The following ADAMTSL1 variants were observed in gnomAD, a reference collection of about 807,000 sequenced individuals.
ADAMTSL1 encodes the protein ADAMTS like 1.
In ADAMTSL1, 126 loss-of-function variants were observed where a neutral mutation model predicts 201.8. The ratio of observed to expected loss-of-function variants is 0.62; its 90% CI spans 0.54 to 0.72. The LOEUF is 0.72. Ranked by LOEUF, ADAMTSL1 falls within the 30% of genes least tolerant of loss-of-function variation. ADAMTSL1 has a pLI of 0.00. For missense variants in ADAMTSL1, 2,679 were observed against 2,277.8 expected (o/e 1.18, Z -3.59); for synonymous variants, 1,121 against 903.4 (o/e 1.24, Z -4.32).
In ADAMTSL1 at chr9:17,978,838, A is replaced by G. The variant is rs115548543; in HGVS notation, c.87+71916A>G. On this transcript the variant is annotated intron_variant, in intron 1 of 29. Transcript: ENST00000680146. ...CACATTTCAGCTTGAAGAACCCTTT[A>G]GCATTTCTCATAAGGCAGGGCTAGT... is the stretch of plus-strand genomic sequence containing the variant. 5.5e-3 allele frequency among the ~76,000 whole-genome samples: 839 copies of G among 152,226 alleles called. 8 individuals carry two copies. The highest frequency in any genetic ancestry group is 0.019 in the African/African-American group (797 of 41,546).
chr9:18,173,707 G>C (rs1828008419), intron 2 of ADAMTSL1, among the ~76,000 whole-genome samples: 1 of 152,030 alleles, frequency 6.6e-6, no homozygotes. Context: ...AGATTTTTAG[G>C]CTCAGACAAC....
At chr9:18,321,536 G>A (rs1834619028) in intron 2 of ADAMTSL1, among the ~76,000 whole-genome samples, 1 of 152,194 alleles carries the variant, frequency 6.6e-6, no homozygotes, top group South Asian at 2.1e-4. Flanking sequence ...GCTCACGCCT[G>A]TAATCCCAGC....
At chr9:18,369,964 C>G (rs1320830569) in intron 2 of ADAMTSL1, among the ~76,000 whole-genome samples, 1 of 152,044 alleles carries the variant, frequency 6.6e-6, no homozygotes. Flanking sequence ...AATGTGTACA[C>G]ATGGACATAA....
intron 1 of ADAMTSL1, among the ~76,000 whole-genome samples, chr9:17,931,646 T>C (rs948511521): frequency 6.6e-6 from 1 of 152,140 alleles, no homozygotes; most frequent in Non-Finnish European, 1.5e-5. Context: ...CTCAGATCAG[T>C]GTTGTCCTGT....
intron 14 of ADAMTSL1, among the ~76,000 whole-genome samples, chr9:18,715,888 G>C (rs1311477134): frequency 2.0e-5 from 3 of 151,498 alleles, no homozygotes; most frequent in Admixed American, 6.6e-5. Flanking sequence ...CCAAAACTGA[G>C]ATATAGATCA....
chr9:18,648,334 T>G (rs984209722), intron 7 of ADAMTSL1, among the ~76,000 whole-genome samples: 21 of 150,440 alleles, frequency 1.4e-4, no homozygotes, highest in African/African-American at 5.1e-4. Context: ...GTCTTGACTC[T>G]TTATCCAATT....
rs144526165 is a variant in ADAMTSL1, at chr9:18,692,081, C to T, written c.1574+7281C>T. Reference sequence around the variant, plus strand: ...ACTCAGCTAGTGGGTTCCCAGCTTACACCACCTTACTTCCTTTCTTCGTCT... The same window carrying T: ...ACTCAGCTAGTGGGTTCCCAGCTTATACCACCTTACTTCCTTTCTTCGTCT... On this transcript the variant is annotated intron_variant, in intron 13 of 28. Transcript: ENST00000380548. Among the ~76,000 whole-genome samples, 35 of 152,256 alleles carry T rather than the reference C, an allele frequency of 2.3e-4. 1 individual carries two copies. In the Middle Eastern group the frequency reaches 0.01, roughly 44 times the overall value.
At chr9:18,771,533 C>T (rs577071696) in intron 17 of ADAMTSL1, among the ~76,000 whole-genome samples, 2 of 152,258 alleles carry the variant, frequency 1.3e-5, no homozygotes, top group Non-Finnish European at 2.9e-5. Flanking sequence ...TCTCCACCTC[C>T]ATAGACCTGT....
chr9:18,180,608 A>G lies in ADAMTSL1; in HGVS notation c.207+16627A>G, dbSNP rs549933564. Reference sequence around the variant, plus strand: ...GTGAAGGACCTCTTCAAGGAGAACTACAAACCACTGCTCAAGGAAATAAAA... The same window carrying G: ...GTGAAGGACCTCTTCAAGGAGAACTGCAAACCACTGCTCAAGGAAATAAAA... On this transcript the variant is annotated intron_variant, in intron 2 of 29. Transcript: ENST00000680146. Among the ~76,000 whole-genome samples, 5 of 152,096 alleles carry G rather than the reference A, an allele frequency of 3.3e-5. No homozygotes were observed. In the South Asian group the frequency reaches 8.3e-4, roughly 25 times the overall value.
At chr9:18,110,001 C>G (rs1406954258) in intron 1 of ADAMTSL1, among the ~76,000 whole-genome samples, 1 of 152,178 alleles carries the variant, frequency 6.6e-6, no homozygotes. Context: ...GAAAGAGGAA[C>G]ACAGGCAAGT....
intron 23 of ADAMTSL1, among the ~76,000 whole-genome samples, chr9:18,858,303 C>A (rs1322338886): frequency 6.6e-6 from 1 of 152,130 alleles, no homozygotes; most frequent in African/African-American, 2.4e-5. Flanking sequence ...CCCACCCCCA[C>A]ACAGATGCTG....
intron 2 of ADAMTSL1, among the ~76,000 whole-genome samples, chr9:18,320,882 T>A (rs115268186): frequency 0.017 from 2,527 of 152,122 alleles, 67 homozygotes; most frequent in African/African-American, 0.058. Flanking sequence ...GAGTATTTTT[T>A]AAAATGTATA....
At chr9:18,644,404 T>C (rs978899242) in intron 7 of ADAMTSL1, among the ~76,000 whole-genome samples, 1 of 152,028 alleles carries the variant, frequency 6.6e-6, no homozygotes, top group African/African-American at 2.4e-5. Context: ...ATTATTATTA[T>C]ACTTTAAGTT....
chr9:18,195,120 C>A (rs1303665531), intron 2 of ADAMTSL1, among the ~76,000 whole-genome samples: 5 of 152,002 alleles, frequency 3.3e-5, no homozygotes, highest in Admixed American at 2.0e-4. Context: ...TAAATGTTGG[C>A]TGTTATTATT....
At chr9:18,560,849 A>T (rs1226977382) in intron 3 of ADAMTSL1, among the ~76,000 whole-genome samples, 2 of 149,126 alleles carry the variant, frequency 1.3e-5, no homozygotes, top group East Asian at 4.1e-4. Flanking sequence ...ATCGGTGGTG[A>T]TATCCCCCTT....
Position 17,909,915 on chromosome 9 carries a change from G to A in ADAMTSL1, c.87+2993G>A, listed in dbSNP as rs1203857696. On this transcript the variant is annotated intron_variant, in intron 1 of 29. Coordinates refer to the ADAMTSL1 transcript ENST00000680146. ...GTTAGTGGGTGCAGCGCACCAGCAT[G>A]GCACATGTATACATATGTAACTAAC... Among the ~76,000 whole-genome samples, 2 of 66,444 alleles carry A rather than the reference G, an allele frequency of 3.0e-5. 1 individual carries two copies. Among genetic ancestry groups the A allele is most frequent in the Non-Finnish European group, 9.1e-5 (2 of 21,936 alleles). The allele number at this position is 66,444 out of a possible 152,430, so 43.6% of individuals were successfully genotyped here. A position where few individuals can be genotyped will look rare whatever the true frequency, so the allele number is the denominator to read the frequency against.
chr9:18,589,765 G>A (rs965998870), intron 4 of ADAMTSL1, among the ~76,000 whole-genome samples: 1 of 152,080 alleles, frequency 6.6e-6, no homozygotes, highest in South Asian at 2.1e-4. Flanking sequence ...TTTGTTGAGG[G>A]TTTTTGTCAT....
At chr9:17,949,666 T>C (rs1254922373) in intron 1 of ADAMTSL1, among the ~76,000 whole-genome samples, 4 of 152,176 alleles carry the variant, frequency 2.6e-5, no homozygotes, top group Non-Finnish European at 5.9e-5. Flanking sequence ...AGCATGGTAG[T>C]AGAAACCTGA....
Position 18,906,773 on chromosome 9 carries a change from C to G in ADAMTSL1, c.5043C>G (p.Thr1681=), listed in dbSNP as rs1483344105. 8.1e-6 allele frequency: 13 copies of G among 1,613,880 alleles called. No individual in the cohort carries two copies. In the East Asian group the frequency reaches 2.9e-4, roughly 36 times the overall value. ...RVSLWTLCTA[T]CGNYGFQSRR... ...GCCTGTGGACCCTGTGCACAGCTAC[C>G]TGTGGCAACTACGGCTTCCAGTCCC... The change falls in exon 28 of 29, where the codon ACC becomes ACG. Residue 1681 remains threonine (T), a synonymous_variant. Coordinates refer to ENST00000380548, the MANE Select transcript of ADAMTSL1 (RefSeq NM_001040272.6).
Sources: gnomAD v4.1 joint callset for allele counts (sites outside exome capture counted in the v4.1 genomes callset) on GRCh38, gnomAD v4.1.1 for gene constraint, MANE v1.5 for transcripts, NCBI Gene and HGNC (gene_info 2026-07-23, HGNC 2026-07-21) for gene names.